The following TTF1 variants were observed in gnomAD, a reference collection of about 807,000 sequenced individuals.
TTF1 encodes the protein transcription termination factor, RNA polymerase I.
In TTF1, 64 loss-of-function variants were observed where a neutral mutation model predicts 80.2. The observed-to-expected ratio is 0.80, with a 90% CI of 0.65 to 0.98. TTF1 has a LOEUF of 0.98. Among genes scored for constraint, TTF1 ranks in the 50% least tolerant of loss-of-function variants. The pLI is 0.00. For missense variants in TTF1, 1,023 were observed against 1,086.2 expected (o/e 0.94, Z 0.82); for synonymous variants, 372 against 382.7 (o/e 0.97, Z 0.33).
chr9:132,379,590 G>A (rs1849332618), intron 9 of TTF1, among the ~76,000 whole-genome samples: 1 of 152,204 alleles, frequency 6.6e-6, no homozygotes, highest in African/African-American at 2.4e-5. Flanking sequence ...CTGAGGCACA[G>A]AGAAGTTGCC....
chr9:132,377,315 TGTG>T (rs766296530), intron 10 of TTF1, among the ~76,000 whole-genome samples: 39 of 142,904 alleles, frequency 2.7e-4, no homozygotes, highest in East Asian at 7.0e-4. Flanking sequence ...TGTGAGTGCA[TGTG>T]GTGTGTGTGT....
intron 1 of TTF1, among the ~76,000 whole-genome samples, chr9:132,403,673 A>C (rs1300475084): frequency 6.6e-6 from 1 of 152,186 alleles, no homozygotes; most frequent in Non-Finnish European, 1.5e-5. Flanking sequence ...CTGCTTTAAA[A>C]AAAAAAGACA....
chr9:132,378,016 T>C (rs1849262845), intron 10 of TTF1, among the ~76,000 whole-genome samples: 1 of 128,694 alleles, frequency 7.8e-6, no homozygotes, highest in African/African-American at 3.0e-5. Context: ...TGTGAATGCA[T>C]GTGGTGTGAG....
chr9:132,387,296 C>G (rs73550564), intron 8 of TTF1, among the ~76,000 whole-genome samples: 1,556 of 152,248 alleles, frequency 0.01, 25 homozygotes, highest in African/African-American at 0.035. Context: ...AACCCTCCCC[C>G]CCCAATCTAC....
chr9:132,399,589 T>C (rs1849721942), intron 3 of TTF1, among the ~76,000 whole-genome samples: 2 of 152,220 alleles, frequency 1.3e-5, no homozygotes, highest in African/African-American at 2.4e-5. Flanking sequence ...ATAAGAGAGG[T>C]TCAGAAACAC....
At chr9:132,378,659 A>AGTG (rs1849307481) in intron 10 of TTF1, among the ~76,000 whole-genome samples, 2 of 71,624 alleles carry the variant, frequency 2.8e-5, no homozygotes, top group East Asian at 1.4e-3. Flanking sequence ...GTGAGTGCAT[A>AGTG]CGTGTGTGAG....
At chr9:132,396,007 A>T (rs1203329381) in intron 5 of TTF1, among the ~76,000 whole-genome samples, 1 of 152,230 alleles carries the variant, frequency 6.6e-6, no homozygotes, top group Non-Finnish European at 1.5e-5. Context: ...AACTGCATTT[A>T]AGGGACCTAA....
In TTF1 at chr9:132,379,068, T is replaced by C. The variant is rs549590378; in HGVS notation, c.2455A>G (p.Thr819Ala). ...AVYVPFWQKK[T>A]FPEIIDYLYE... is the part of the protein sequence containing the mutation. ...TATTAAGAATACTAACCTGGAAAAG[T>C]CTTTTTCTGCCAAAATGGAACATAG... The change falls in exon 10 of 11, where the codon ACT becomes GCT. Residue 819 changes from threonine to alanine, a missense_variant. Thr to Ala is a moderately conservative substitution (Grantham distance 58). Coordinates refer to ENST00000334270, the MANE Select transcript of TTF1 (RefSeq NM_007344.4). 5.6e-6 allele frequency: 9 copies of C among 1,607,136 alleles called. No individual in the cohort carries two copies. In the South Asian group the frequency reaches 1.0e-4, roughly 18 times the overall value.
chr9:132,391,962 C>A, intron 6 of TTF1, 114 bp downstream of exon 6: 1 of 1,492,586 alleles, frequency 6.7e-7, no homozygotes, highest in Non-Finnish European at 9.0e-7. Context: ...AGAAACAAAG[C>A]TCTTGCGGAA....
intron 8 of TTF1, among the ~76,000 whole-genome samples, chr9:132,387,774 G>A (rs1359085045): frequency 1.3e-5 from 2 of 152,210 alleles, no homozygotes; most frequent in African/African-American, 2.4e-5. Context: ...GCTCATGCTG[G>A]AGCACAGGAG....
intron 7 of TTF1, among the ~76,000 whole-genome samples, chr9:132,388,764 G>A (rs1817885133): frequency 6.6e-6 from 1 of 152,202 alleles, no homozygotes; most frequent in Non-Finnish European, 1.5e-5. Context: ...CTCTAATGCC[G>A]AAGCTAGTGG....
chr9:132,396,669 TG>T (rs1330778702), intron 4 of TTF1, among the ~76,000 whole-genome samples, 158 bp from the exon 5 acceptor site: 49 of 91,614 alleles, frequency 5.3e-4, no homozygotes, highest in African/African-American at 1.6e-3. Context: ...TTGTTTTTTT[TG>T]TTTGTTTTTT....
chr9:132,393,287 C>T (rs1849593016), intron 5 of TTF1, among the ~76,000 whole-genome samples: 1 of 145,006 alleles, frequency 6.9e-6, no homozygotes, highest in African/African-American at 2.5e-5. Context: ...CGCAAACTGG[C>T]CATAAACAGA....
chr9:132,393,498 T>G (rs567270763), intron 5 of TTF1, among the ~76,000 whole-genome samples: 1 of 152,378 alleles, frequency 6.6e-6, no homozygotes, highest in Admixed American at 6.5e-5. Flanking sequence ...GCCCAACCTA[T>G]TCCTTTAATT....
Position 132,402,727 on chromosome 9 carries a change from T to A in TTF1, c.95A>T (p.His32Leu), listed in dbSNP as rs1248909811. The change falls in exon 2 of 11, where the codon CAT becomes CTT. Residue 32 changes from histidine (H) to leucine (L), a missense_variant. Transcript: ENST00000334270. ...CSIHKERPQK[H>L]SHEIFRDSSL... is the part of the protein sequence containing the mutation. ...GGAGTCTCTGAAAATTTCGTGGGAA[T>A]GTTTCTGAGGTCTTTCCTTATGTAT... is the stretch of plus-strand genomic sequence containing the variant. 1 of 1,614,028 alleles carries A rather than the reference T, an allele frequency of 6.2e-7. No individual in the cohort carries two copies. Among genetic ancestry groups the A allele is most frequent in the Non-Finnish European group, 8.5e-7 (1 of 1,180,044 alleles).
intron 8 of TTF1, 97 bp from the exon 9 acceptor site, chr9:132,386,718 G>A (rs944167187): frequency 3.2e-5 from 30 of 948,878 alleles, no homozygotes; most frequent in Admixed American, 3.1e-4. Flanking sequence ...AGGTATGTGC[G>A]CTTTCGCCGC....
chr9:132,406,511 A>G (rs886950057), intron 1 of TTF1, among the ~76,000 whole-genome samples: 1 of 151,784 alleles, frequency 6.6e-6, no homozygotes, highest in African/African-American at 2.4e-5. Flanking sequence ...CTGAGGCAGG[A>G]GAATCGCTTG....
chr9:132,400,110 T>C lies in TTF1; in HGVS notation c.1516A>G (p.Lys506Glu), dbSNP rs1488692209. The C allele has an allele frequency of 2.5e-6, 4 of 1,614,058 alleles. No homozygotes were observed. The African/African-American group carries it at 4.0e-5, about 16-fold the overall frequency. ...KQLQEFIPNI[K>E]DRATSTIKRM... ...TTGATTGTGCTGGTGGCCCTGTCCT[T>C]GATGTTAGGAATGAACTCCTGAAGC... Residue 506 changes from lysine (K) to glutamate (E), a missense_variant, in exon 3 of 11, where the codon AAG (lysine) becomes GAG (glutamate). By Grantham distance (56) the Lys-to-Glu change is moderately conservative. Transcript: ENST00000334270.
chr9:132,394,499 C>T (rs1320532290), intron 5 of TTF1, among the ~76,000 whole-genome samples: 2 of 151,814 alleles, frequency 1.3e-5, no homozygotes, highest in Non-Finnish European at 2.9e-5. Context: ...AGTCTGGTCT[C>T]GAACTCCTGA....
Sources: allele counts gnomAD v4.1 joint callset (sites outside exome capture counted in the v4.1 genomes callset), GRCh38; gene constraint gnomAD v4.1.1; transcripts MANE v1.5; gene names NCBI Gene and HGNC (gene_info 2026-07-23, HGNC 2026-07-21).